BCKDHB: variants seen among roughly 807,000 people sequenced by gnomAD.
The protein encoded by BCKDHB is branched chain keto acid dehydrogenase E1 subunit beta, also known as 2-oxoisovalerate dehydrogenase subunit beta, mitochondrial.
In BCKDHB, 41 loss-of-function variants were observed where a neutral mutation model predicts 48.5. That is an observed-to-expected ratio of 0.85 (90% CI 0.66 to 1.10). BCKDHB has a LOEUF of 1.10. BCKDHB is among the 50% of genes least tolerant of loss of function. The pLI is 0.00. For missense variants in BCKDHB, 496 were observed against 494.2 expected (o/e 1.00, Z -0.03); for synonymous variants, 201 against 174.8 (o/e 1.15, Z -1.18).
chr6:80,273,672 TAATTTA>T (rs1777848651), intron 9 of BCKDHB, among the ~76,000 whole-genome samples: 2 of 152,126 alleles, frequency 1.3e-5, no homozygotes, highest in Non-Finnish European at 2.9e-5. Flanking sequence ...CAAAAGTCAA[TAATTTA>T]AATTTAATAA....
the BCKDHB span, chr6:80,443,563 A>G: frequency 6.6e-6 from 1 of 152,294 alleles, no homozygotes; most frequent in East Asian, 1.9e-4. Context: ...ACAGCTGCTT[A>G]TATTTGGATT....
At chr6:80,248,911 TG>T (rs1776724400) in intron 8 of BCKDHB, among the ~76,000 whole-genome samples, 1 of 151,266 alleles carries the variant, frequency 6.6e-6, no homozygotes, top group Non-Finnish European at 1.5e-5. Flanking sequence ...TATGTGTGTG[TG>T]TGTGTGTGTG....
chr6:80,276,199 A>G (rs1777962314), intron 9 of BCKDHB, among the ~76,000 whole-genome samples: 1 of 152,010 alleles, frequency 6.6e-6, no homozygotes, highest in South Asian at 2.1e-4. Flanking sequence ...TTTTTGATAG[A>G]AGATATCTGG....
intron 9 of BCKDHB, among the ~76,000 whole-genome samples, chr6:80,322,238 CT>C (rs776940885): frequency 0.13 from 15,127 of 116,522 alleles, 1,032 homozygotes; most frequent in South Asian, 0.26. Flanking sequence ...TCTTTCTTTT[CT>C]TTTTTTTTTT....
intron 8 of BCKDHB, among the ~76,000 whole-genome samples, chr6:80,253,076 A>G (rs1776902152): frequency 6.6e-6 from 1 of 152,202 alleles, no homozygotes; most frequent in South Asian, 2.1e-4. Context: ...TTATTTAGAA[A>G]GATATCTTGT....
the BCKDHB span, among the ~76,000 whole-genome samples, chr6:80,390,592 A>G: frequency 1.3e-5 from 2 of 152,284 alleles, no homozygotes; most frequent in South Asian, 2.1e-4. Context: ...GCATTTGAGT[A>G]TTAACTTTAT....
chr6:80,404,887 A>G, the BCKDHB span, among the ~76,000 whole-genome samples: 5 of 152,056 alleles, frequency 3.3e-5, no homozygotes, highest in South Asian at 2.1e-4. Flanking sequence ...TAGTTTCATA[A>G]CACTGTGGTC....
the BCKDHB span, among the ~76,000 whole-genome samples, chr6:80,433,476 C>T: frequency 6.6e-6 from 1 of 152,166 alleles, no homozygotes; most frequent in African/African-American, 2.4e-5. Flanking sequence ...AAACCGCCTA[C>T]TCGAGCCTCA....
intron 8 of BCKDHB, among the ~76,000 whole-genome samples, chr6:80,232,168 T>C (rs1349589658): frequency 6.6e-6 from 1 of 152,196 alleles, no homozygotes; most frequent in African/African-American, 2.4e-5. Context: ...ATTTTGGATA[T>C]ATCCTACCTG....
At chr6:80,285,213 A>G (rs1766570109) in intron 9 of BCKDHB, among the ~76,000 whole-genome samples, 1 of 152,128 alleles carries the variant, frequency 6.6e-6, no homozygotes, top group Non-Finnish European at 1.5e-5. Context: ...TTTTGTGAGT[A>G]ATATTCCAAC....
chr6:80,169,284 CAAAGAAT>C (rs1176156127), intron 5 of BCKDHB, among the ~76,000 whole-genome samples: 3 of 152,134 alleles, frequency 2.0e-5, no homozygotes, highest in Admixed American at 1.3e-4. Flanking sequence ...TTATAGACTT[CAAAGAAT>C]AAGACCAAGA....
chr6:80,216,906 C>A (rs1282849064), intron 8 of BCKDHB, among the ~76,000 whole-genome samples: 1 of 152,102 alleles, frequency 6.6e-6, no homozygotes, highest in Non-Finnish European at 1.5e-5. Context: ...TTTATTGAAA[C>A]TGTGATGTAC....
intron 3 of BCKDHB, among the ~76,000 whole-genome samples, chr6:80,165,939 C>G (rs1020559215): frequency 6.6e-5 from 10 of 152,150 alleles, no homozygotes; most frequent in Admixed American, 1.3e-4. Flanking sequence ...GGGATTTAGT[C>G]TCTCAATTTT....
chr6:80,239,634 T>C (rs1425066306), intron 8 of BCKDHB, among the ~76,000 whole-genome samples: 4 of 152,230 alleles, frequency 2.6e-5, no homozygotes, highest in Middle Eastern at 3.2e-3. Context: ...ATTTTGGCTT[T>C]TGTTACCATT....
intron 6 of BCKDHB, among the ~76,000 whole-genome samples, chr6:80,182,835 G>A (rs888820311): frequency 6.6e-6 from 1 of 152,012 alleles, no homozygotes; most frequent in Non-Finnish European, 1.5e-5. Flanking sequence ...ACAAATAAGA[G>A]CATGTTACAA....
the BCKDHB span, among the ~76,000 whole-genome samples, chr6:80,403,232 C>T: frequency 2.5e-3 from 374 of 151,916 alleles, 2 homozygotes; most frequent in African/African-American, 8.4e-3. Context: ...AATCTATGAA[C>T]GTGGGATATC....
At chr6:80,124,492 G>T (rs557523314) in intron 1 of BCKDHB, among the ~76,000 whole-genome samples, 2 of 152,258 alleles carry the variant, frequency 1.3e-5, no homozygotes, top group South Asian at 4.1e-4. Context: ...TGACATTGGA[G>T]TGTTAAAGTC....
the BCKDHB span, among the ~76,000 whole-genome samples, chr6:80,441,963 T>A: frequency 6.6e-6 from 1 of 152,086 alleles, no homozygotes; most frequent in Non-Finnish European, 1.5e-5. Flanking sequence ...AAAGAACAAA[T>A]ATAGCGTGCA....
intron 9 of BCKDHB, among the ~76,000 whole-genome samples, chr6:80,338,334 G>T (rs978975650): frequency 6.6e-6 from 1 of 152,270 alleles, no homozygotes; most frequent in Non-Finnish European, 1.5e-5. Context: ...TGACTGACAG[G>T]CCACTTTTCT....
Sources: gnomAD v4.1 joint callset for allele counts (sites outside exome capture counted in the v4.1 genomes callset) on GRCh38, gnomAD v4.1.1 for gene constraint, MANE v1.5 for transcripts, NCBI Gene and HGNC (gene_info 2026-07-23, HGNC 2026-07-21) for gene names.